The following SNTG1 variants were observed in gnomAD, a reference collection of about 807,000 sequenced individuals.
SNTG1 encodes the protein gamma-1-syntrophin.
Under a neutral mutation model 74.7 loss-of-function variants are expected in SNTG1, and 39 were observed. That is an observed-to-expected ratio of 0.52 (90% CI 0.40 to 0.68). The LOEUF (loss-of-function observed/expected upper bound fraction) is 0.68. Among genes scored for constraint, SNTG1 ranks in the 30% least tolerant of loss-of-function variants. SNTG1 has a pLI of 0.00. For synonymous variants in SNTG1, 254 were observed against 217.1 expected (o/e 1.17, Z -1.49); for missense variants, 685 against 609.5 (o/e 1.12, Z -1.30).
At chr8:50,644,901 A>C (rs938494084) in intron 13 of SNTG1, among the ~76,000 whole-genome samples, 3 of 148,484 alleles carry the variant, frequency 2.0e-5, no homozygotes, top group Non-Finnish European at 4.4e-5. Context: ...CTAAAGAAAC[A>C]CTTGCTATGC....
intron 2 of SNTG1, among the ~76,000 whole-genome samples, chr8:50,290,927 T>C (rs1466397790): frequency 4.6e-5 from 7 of 152,058 alleles, no homozygotes; most frequent in African/African-American, 1.7e-4. Context: ...CTGGCTAATT[T>C]TGGTATTCTT....
chr8:49,986,693 T>A (rs1406212780), intron 1 of SNTG1, among the ~76,000 whole-genome samples: 6 of 135,102 alleles, frequency 4.4e-5, no homozygotes, highest in Middle Eastern at 4.0e-3. Flanking sequence ...GGAAACACCA[T>A]AAGACCTCAT....
intron 13 of SNTG1, among the ~76,000 whole-genome samples, chr8:50,608,649 A>G (rs1340217170): frequency 6.6e-6 from 1 of 151,910 alleles, no homozygotes; most frequent in African/African-American, 2.4e-5. Context: ...GTTTTTTTAA[A>G]TTCAGACTGA....
chr8:50,336,276 A>G, intron 2 of SNTG1, among the ~76,000 whole-genome samples: 1 of 152,176 alleles, frequency 6.6e-6, no homozygotes, highest in East Asian at 1.9e-4. Context: ...AAAGATTTCT[A>G]AACATATTCC....
chr8:50,399,723 C>T (rs547106829), intron 3 of SNTG1, among the ~76,000 whole-genome samples: 3 of 152,204 alleles, frequency 2.0e-5, no homozygotes, highest in South Asian at 4.2e-4. Flanking sequence ...GCATGTCGGC[C>T]CCTCTCCAAT....
chr8:50,216,339 C>T (rs568008844), intron 2 of SNTG1, among the ~76,000 whole-genome samples: 12 of 152,136 alleles, frequency 7.9e-5, no homozygotes, highest in Admixed American at 2.6e-4. Context: ...GTCTTTTACT[C>T]AACTTCTTTT....
intron 1 of SNTG1, among the ~76,000 whole-genome samples, chr8:50,044,895 G>A (rs1299332760): frequency 6.6e-6 from 1 of 152,154 alleles, no homozygotes; most frequent in Non-Finnish European, 1.5e-5. Context: ...TTTGTTCAGT[G>A]AATTAAAATA....
chr8:50,020,477 C>A (rs1816724007), intron 1 of SNTG1, among the ~76,000 whole-genome samples: 1 of 152,126 alleles, frequency 6.6e-6, no homozygotes, highest in Admixed American at 6.6e-5. Flanking sequence ...ATGTACAATG[C>A]AATCATTTAG....
chr8:50,040,429 C>A (rs2130811764), intron 1 of SNTG1, among the ~76,000 whole-genome samples: 1 of 152,188 alleles, frequency 6.6e-6, no homozygotes, highest in Admixed American at 6.5e-5. Context: ...CATTTCTAGT[C>A]ATTGTAAGTT....
chr8:50,325,904 C>G (rs2090725836), intron 2 of SNTG1, among the ~76,000 whole-genome samples: 1 of 151,906 alleles, frequency 6.6e-6, no homozygotes, highest in Non-Finnish European at 1.5e-5. Context: ...GGAGGTTTTC[C>G]TCTATTTCTA....
chr8:50,386,999 A>T (rs1339419094), intron 2 of SNTG1, among the ~76,000 whole-genome samples: 1 of 152,110 alleles, frequency 6.6e-6, no homozygotes, highest in Non-Finnish European at 1.5e-5. Flanking sequence ...TAGAATTTTC[A>T]CTCAACCTAG....
chr8:50,116,940 A>G (rs2080844579), intron 1 of SNTG1, among the ~76,000 whole-genome samples: 1 of 152,130 alleles, frequency 6.6e-6, no homozygotes, highest in South Asian at 2.1e-4. Context: ...TAAGTGGAAA[A>G]CTTTATATTT....
intron 12 of SNTG1, among the ~76,000 whole-genome samples, chr8:50,558,856 G>A (rs1328975411): frequency 6.6e-6 from 1 of 152,014 alleles, no homozygotes; most frequent in East Asian, 1.9e-4. Context: ...TTTACTAAAA[G>A]AAATATTCAG....
intron 1 of SNTG1, among the ~76,000 whole-genome samples, chr8:50,107,399 G>A (rs2080414249): frequency 6.6e-6 from 1 of 152,030 alleles, no homozygotes; most frequent in South Asian, 2.1e-4. Context: ...ATATTTAAAG[G>A]TCAATTTTAT....
chr8:50,138,923 T>G (rs1324337868), intron 1 of SNTG1, among the ~76,000 whole-genome samples: 1 of 152,144 alleles, frequency 6.6e-6, no homozygotes, highest in Non-Finnish European at 1.5e-5. Context: ...AAAATTTAAA[T>G]TTTATGTTTA....
chr8:50,277,406 A>G (rs2088180453), intron 2 of SNTG1, among the ~76,000 whole-genome samples: 1 of 152,228 alleles, frequency 6.6e-6, no homozygotes, highest in African/African-American at 2.4e-5. Context: ...ATTAGATTAC[A>G]GAAACTTTTT....
chr8:50,037,801 T>C (rs1015937225), intron 1 of SNTG1, among the ~76,000 whole-genome samples: 3 of 152,188 alleles, frequency 2.0e-5, no homozygotes, highest in Non-Finnish European at 4.4e-5. Flanking sequence ...GCCAGGGATA[T>C]GGTAAATACG....
intron 18 of SNTG1, among the ~76,000 whole-genome samples, chr8:50,778,759 T>C (rs910156143): frequency 4.7e-5 from 7 of 150,534 alleles, no homozygotes; most frequent in Admixed American, 4.6e-4. Flanking sequence ...TTTGGTGTTT[T>C]AGACATGAAG....
chr8:50,617,840 G>T (rs538112180), intron 13 of SNTG1, among the ~76,000 whole-genome samples: 1 of 152,174 alleles, frequency 6.6e-6, no homozygotes, highest in Non-Finnish European at 1.5e-5. Context: ...TACCATAACC[G>T]ATTAGGTCAG....
Sources: gnomAD v4.1 joint callset for allele counts (sites outside exome capture counted in the v4.1 genomes callset) on GRCh38, gnomAD v4.1.1 for gene constraint, MANE v1.5 for transcripts, NCBI Gene and HGNC (gene_info 2026-07-23, HGNC 2026-07-21) for gene names.